SEC24D: variants seen among roughly 807,000 people sequenced by gnomAD.
The protein encoded by SEC24D is SEC24 homolog D, COPII component, also known as protein transport protein Sec24D.
Under a neutral mutation model 116.9 loss-of-function variants are expected in SEC24D, and 69 were observed. The ratio of observed to expected loss-of-function variants is 0.59; its 90% CI spans 0.49 to 0.72. SEC24D has a LOEUF of 0.72. Among genes scored for constraint, SEC24D ranks in the 30% least tolerant of loss-of-function variants. The pLI, the probability that SEC24D is intolerant of heterozygous loss-of-function variation, is 0.00. For synonymous variants in SEC24D, 405 were observed against 442.8 expected (o/e 0.91, Z 1.07); for missense variants, 1,131 against 1,264.1 (o/e 0.89, Z 1.60).
intron 2 of SEC24D, among the ~76,000 whole-genome samples, chr4:118,826,257 C>T (rs995592348): frequency 6.6e-6 from 1 of 152,112 alleles, no homozygotes; most frequent in Non-Finnish European, 1.5e-5. Flanking sequence ...CAGTCACAGA[C>T]AAGTTTGAAT....
At chr4:118,750,133 A>G (rs1255022951) in intron 13 of SEC24D, among the ~76,000 whole-genome samples, 1 of 152,206 alleles carries the variant, frequency 6.6e-6, no homozygotes, top group East Asian at 1.9e-4. Flanking sequence ...ATCAGCTGAA[A>G]TGAGTTGGAC....
At position 118,771,572 on chromosome 4, in the gene SEC24D, A is replaced by G. The variant is rs77997899; in HGVS notation, c.1042-3261T>C. Among the ~76,000 whole-genome samples the G allele has an allele frequency of 6.5e-3, 994 of 152,328 alleles. 11 individuals carry two copies. Among genetic ancestry groups the G allele is most frequent in the African/African-American group, 0.023 (942 of 41,574 alleles). On this transcript the variant is annotated intron_variant, in intron 8 of 22. Transcript: ENST00000280551. ...ATTGAATAAAATGTATCTCTTGTGT[A>G]TGTATATAAACACTGGTTGATTTTG...
At chr4:118,725,586 AG>A (rs1332699096) in intron 22 of SEC24D, among the ~76,000 whole-genome samples, 1 of 151,622 alleles carries the variant, frequency 6.6e-6, no homozygotes, top group Non-Finnish European at 1.5e-5. Flanking sequence ...TGCTCATCTG[AG>A]GTATTTTCTA....
At chr4:118,801,155 G>A (rs150182858) in intron 7 of SEC24D, among the ~76,000 whole-genome samples, 7,458 of 151,004 alleles carry the variant, frequency 0.049, 219 homozygotes, top group Non-Finnish European at 0.064. Context: ...CCAGCTACTC[G>A]GGAGGCTGAG....
At chr4:118,732,585 C>T (rs1467193001) in intron 20 of SEC24D, 148 bp downstream of exon 20, 4 of 751,110 alleles carry the variant, frequency 5.3e-6, no homozygotes, top group African/African-American at 3.6e-5. Context: ...AGCCCCTGCT[C>T]GAAATCCCAC....
chr4:118,815,726 C>T lies in SEC24D; in HGVS notation c.398G>A (p.Gly133Asp), dbSNP rs748474558. 1 of 1,613,468 alleles carries T rather than the reference C, an allele frequency of 6.2e-7. No individual in the cohort carries two copies. Among genetic ancestry groups the T allele is most frequent in the Non-Finnish European group, 8.5e-7 (1 of 1,179,764 alleles). Reference sequence around the variant, plus strand: ...CTGGCTTGGAGGAGCCATGCCTGAACCTGTGTGAGAAAGGAGACCAGCCCA... The same window carrying T: ...CTGGCTTGGAGGAGCCATGCCTGAATCTGTGTGAGAAAGGAGACCAGCCCA... ...QLSAMQINSY[G>D]SGMAPPSQGP... is the part of the protein sequence containing the mutation. The change falls in exon 5 of 23, where the codon GGT becomes GAT. Residue 133 changes from glycine (G) to aspartate (D), a missense_variant and splice_region_variant. Coordinates refer to ENST00000280551, the MANE Select transcript of SEC24D (RefSeq NM_014822.4).
intron 13 of SEC24D, among the ~76,000 whole-genome samples, chr4:118,749,117 A>G (rs1043730523): frequency 2.6e-5 from 4 of 152,064 alleles, no homozygotes; most frequent in Non-Finnish European, 2.9e-5. Context: ...AGACAATACC[A>G]GCAATTCATG....
chr4:118,740,722 C>A lies in SEC24D; in HGVS notation c.2179G>T (p.Val727Leu), dbSNP rs1412640187. Residue 727 changes from valine (V) to leucine (L), a missense_variant, in exon 17 of 23, where the codon GTG (valine) becomes TTG (leucine). Coordinates refer to ENST00000280551, the MANE Select transcript of SEC24D (RefSeq NM_014822.4). ...TCATCGTGCTTGAACTCCACGGTCA[C>A]TGCCTTGTCACAATCGATGGCAGCC... is the stretch of plus-strand genomic sequence containing the variant. ...EMAAIDCDKAVTVEFKHDDKL... is the reference protein window; with the variant it reads ...EMAAIDCDKALTVEFKHDDKL... 6.2e-7 allele frequency: 1 copy of A among 1,613,852 alleles called. No homozygotes were observed. The highest frequency in any genetic ancestry group is 8.5e-7 in the Non-Finnish European group (1 of 1,179,886).
At chr4:118,769,327 C>T (rs1369678643) in intron 8 of SEC24D, among the ~76,000 whole-genome samples, 1 of 152,108 alleles carries the variant, frequency 6.6e-6, no homozygotes, top group Non-Finnish European at 1.5e-5. Context: ...AAAAGTTCAG[C>T]ATTAAGTCTG....
At chr4:118,831,169 G>A (rs1394061162) in intron 2 of SEC24D, among the ~76,000 whole-genome samples, 1 of 152,038 alleles carries the variant, frequency 6.6e-6, no homozygotes, top group Non-Finnish European at 1.5e-5. Context: ...TTACAAGCAT[G>A]TGCCACCATG....
chr4:118,744,666 C>T (rs2110446778), intron 14 of SEC24D, among the ~76,000 whole-genome samples: 1 of 152,346 alleles, frequency 6.6e-6, no homozygotes, highest in East Asian at 1.9e-4. Context: ...ACCTCGTAAT[C>T]CACCTGCCTT....
chr4:118,763,827 C>T (rs1041435618), intron 10 of SEC24D, among the ~76,000 whole-genome samples: 6 of 152,144 alleles, frequency 3.9e-5, no homozygotes, highest in Admixed American at 2.6e-4. Flanking sequence ...TCTAAGAAGA[C>T]GGCAGACATA....
intron 2 of SEC24D, among the ~76,000 whole-genome samples, chr4:118,825,141 T>C (rs1349306451): frequency 1.3e-5 from 2 of 152,176 alleles, no homozygotes. Context: ...TGGTAAAGCA[T>C]TCTAACTGTA....
intron 6 of SEC24D, among the ~76,000 whole-genome samples, chr4:118,810,633 G>C (rs56683591): frequency 0.03 from 4,497 of 152,286 alleles, 235 homozygotes; most frequent in African/African-American, 0.1. Flanking sequence ...AGATTCCAGG[G>C]CCTTAGCCTT....
In SEC24D at chr4:118,760,167, C is replaced by T. The variant is rs1195682895; in HGVS notation, c.1297-2322G>A. 9.2e-5 allele frequency among the ~76,000 whole-genome samples: 14 copies of T among 152,144 alleles called. 1 individual carries two copies. The highest frequency in any genetic ancestry group is 3.9e-4 in the Admixed American group (6 of 15,284). ...CTTTTTCTATTATTTTTAATTGTGG[C>T]GAAGAAAACATAAAAATTGCCATCT... is the stretch of plus-strand genomic sequence containing the variant. On this transcript the variant is annotated intron_variant, in intron 10 of 22. Coordinates refer to ENST00000280551, the MANE Select transcript of SEC24D (RefSeq NM_014822.4).
At chr4:118,835,329 G>A (rs1345625766) in intron 1 of SEC24D, among the ~76,000 whole-genome samples, 2 of 152,164 alleles carry the variant, frequency 1.3e-5, no homozygotes, top group East Asian at 3.8e-4. Context: ...CTCACACAGA[G>A]CACCAAGTTA....
intron 9 of SEC24D, among the ~76,000 whole-genome samples, chr4:118,765,684 CTTTT>C (rs1560659840): frequency 2.9e-4 from 44 of 152,250 alleles, no homozygotes; most frequent in African/African-American, 1.0e-3. Context: ...TGGTTTTAAA[CTTTT>C]TGTAAAGAAC....
chr4:118,758,768 C>T (rs1239616360), intron 10 of SEC24D: 1 of 151,970 alleles, frequency 6.6e-6, no homozygotes, highest in African/African-American at 2.4e-5. Context: ...ATTCTATATC[C>T]ACTACAAGGC....
Position 118,728,730 on chromosome 4 carries a change from T to G in SEC24D, c.2869-80A>C, listed in dbSNP as rs565599454. 1.7e-5 allele frequency: 15 copies of G among 868,106 alleles called. No homozygotes were observed. The East Asian group carries it at 3.9e-4, about 23-fold the overall frequency. 53.8% of individuals were successfully genotyped at this position (868,106 alleles called of 1,614,324 possible). On this transcript the variant is annotated intron_variant, in intron 21 of 22. Transcript: ENST00000280551. ...TAGCAATATGAGATTATCATAATGT[T>G]AAAAACATAAAACCATGTACTTGAA...
Sources: gnomAD v4.1 joint callset for allele counts (sites outside exome capture counted in the v4.1 genomes callset) on GRCh38, gnomAD v4.1.1 for gene constraint, MANE v1.5 for transcripts, NCBI Gene and HGNC (gene_info 2026-07-23, HGNC 2026-07-21) for gene names.